The following MDN1 variants were observed in gnomAD, a reference collection of about 807,000 sequenced individuals.
MDN1 encodes midasin AAA ATPase 1.
Under a neutral mutation model 669.2 loss-of-function variants are expected in MDN1, and 266 were observed. The ratio of observed to expected loss-of-function variants is 0.40; its 90% CI spans 0.36 to 0.44. MDN1 has a LOEUF of 0.44. Among genes scored for constraint, MDN1 ranks in the 20% least tolerant of loss-of-function variants. MDN1 has a pLI of 1.00. For synonymous variants in MDN1, 2,385 were observed against 2,457.1 expected, an observed-to-expected ratio of 0.97 and a Z score of 0.87; for missense variants, 5,940 against 6,754.0, an observed-to-expected ratio of 0.88 and a Z score of 4.22.
chr6:89,796,928 C>T (rs1191530327), intron 2 of MDN1, among the ~76,000 whole-genome samples: 8 of 151,664 alleles, frequency 5.3e-5, no homozygotes, highest in African/African-American at 1.7e-4. Flanking sequence ...ATTAGCCAGG[C>T]GTGGTTATGC....
chr6:89,717,775 C>T (rs1013614481), intron 43 of MDN1, among the ~76,000 whole-genome samples: 3 of 152,094 alleles, frequency 2.0e-5, no homozygotes, highest in Admixed American at 6.6e-5. Flanking sequence ...CTGATTTCTT[C>T]GGCTATAAGG....
chr6:89,802,555 C>T (rs1050116175), intron 2 of MDN1, among the ~76,000 whole-genome samples: 1 of 151,798 alleles, frequency 6.6e-6, no homozygotes, highest in Admixed American at 6.6e-5. Context: ...TGGTGGTGTG[C>T]GCGCCTGTAG....
chr6:89,716,897 A>G (rs2128312818), intron 43 of MDN1, 88 bp from the exon 44 acceptor site: 1 of 1,364,688 alleles, frequency 7.3e-7, no homozygotes, highest in Non-Finnish European at 9.8e-7. Flanking sequence ...TGATACTTCT[A>G]GCCAAGGTTT....
In MDN1 at chr6:89,672,182, T is replaced by C; in HGVS notation, c.13794+18A>G. On this transcript the variant is annotated intron_variant, in intron 82 of 101. Coordinates refer to ENST00000369393, the MANE Select transcript of MDN1 (RefSeq NM_014611.3). ...TGCATTCTGAAGAGGAAGAAGTTTG[T>C]AAAGAACAGTTAGTTACCAGGTGCT... The C allele has an allele frequency of 6.4e-7, 1 of 1,557,948 alleles. No individual in the cohort carries two copies. The highest frequency in any genetic ancestry group is 8.6e-7 in the Non-Finnish European group (1 of 1,159,440).
intron 1 of MDN1, among the ~76,000 whole-genome samples, chr6:89,818,246 G>A (rs770208621): frequency 1.1e-4 from 16 of 149,170 alleles, no homozygotes; most frequent in Non-Finnish European, 2.2e-4. Context: ...TTGAACTCGA[G>A]AGGCGGAGGT....
chr6:89,654,201 C>T lies in MDN1; in HGVS notation c.15624G>A (p.Lys5208=). The T allele has an allele frequency of 6.2e-7, 1 of 1,614,234 alleles. No individual in the cohort carries two copies. Among genetic ancestry groups the T allele is most frequent in the Non-Finnish European group, 8.5e-7 (1 of 1,180,040 alleles). Reference sequence around the variant, plus strand: ...TGGTGCCCGACTTGATTTCCTCTGGCTTCAGCTGCTCCACGTCTGCTGCTT... The same window carrying T: ...TGGTGCCCGACTTGATTTCCTCTGGTTTCAGCTGCTCCACGTCTGCTGCTT... ...EFKAADVEQL[K]PEEIKSGTTA... is the part of the protein sequence containing the mutation. Residue 5208 remains lysine, a synonymous_variant, in exon 93 of 102, where the codon AAG becomes AAA. Coordinates refer to ENST00000369393, the MANE Select transcript of MDN1 (RefSeq NM_014611.3).
chr6:89,769,949 T>A (rs921167742), intron 15 of MDN1, among the ~76,000 whole-genome samples: 1 of 152,024 alleles, frequency 6.6e-6, no homozygotes, highest in African/African-American at 2.4e-5. Context: ...TAGAGAGAAA[T>A]AGACCAGGCC....
At chr6:89,808,133 A>T (rs1029754806) in intron 1 of MDN1, among the ~76,000 whole-genome samples, 1 of 150,914 alleles carries the variant, frequency 6.6e-6, no homozygotes, top group Non-Finnish European at 1.5e-5. Context: ...TTATATAATC[A>T]CTTTTTAAAG....
Position 89,670,921 on chromosome 6 carries a change from T to C in MDN1, c.13954A>G (p.Lys4652Glu), listed in dbSNP as rs561423279. 5.6e-6 allele frequency: 9 copies of C among 1,614,044 alleles called. No homozygotes were observed. Among genetic ancestry groups the C allele is most frequent in the East Asian group, 2.2e-5 (1 of 44,880 alleles). Residue 4652 changes from lysine (K) to glutamate (E), a missense_variant and splice_region_variant, in exon 83 of 102, where the codon AAG (lysine) becomes GAG (glutamate). Coordinates refer to ENST00000369393, the MANE Select transcript of MDN1 (RefSeq NM_014611.3). ...LAQVFTELAQ[K>E]GFCLPKEFME... The stretch of plus-strand genomic sequence containing the variant: ...TGCACCATGTGAACAGTCCTTACCT[T>C]CTGGGCAAGCTCTGTAAAGACCTGG...
chr6:89,654,482 T>G, intron 92 of MDN1, 148 bp from the exon 93 acceptor site: 1 of 988,264 alleles, frequency 1.0e-6, no homozygotes. Context: ...CTTGGAGACT[T>G]GTCTGTGCAC....
At chr6:89,776,297 A>C (rs1320106174) in intron 12 of MDN1, among the ~76,000 whole-genome samples, 2 of 152,048 alleles carry the variant, frequency 1.3e-5, no homozygotes, top group African/African-American at 4.8e-5. Flanking sequence ...CCCCATCTCT[A>C]CTAAAAATAC....
intron 96 of MDN1, 66 bp downstream of exon 96, chr6:89,650,664 TTC>T: frequency 8.0e-7 from 1 of 1,253,942 alleles, no homozygotes; most frequent in Non-Finnish European, 1.1e-6. Flanking sequence ...AGGTGCCGCG[TTC>T]AACAGAATCA....
At chr6:89,743,106 C>T in intron 31 of MDN1, 44 bp downstream of exon 31, 1 of 1,598,808 alleles carries the variant, frequency 6.3e-7, no homozygotes, top group Non-Finnish European at 8.5e-7. Flanking sequence ...AAAAATCACA[C>T]CAACAAAAAT....
At chr6:89,770,011 T>C (rs763952803) in intron 15 of MDN1, among the ~76,000 whole-genome samples, 2 of 152,104 alleles carry the variant, frequency 1.3e-5, no homozygotes, top group Non-Finnish European at 2.9e-5. Flanking sequence ...GGCAGGAGGA[T>C]TGCTTAAACC....
Position 89,686,890 on chromosome 6 carries a change from G to A in MDN1, c.11572+12C>T, listed in dbSNP as rs1178130850. On this transcript the variant is annotated intron_variant, in intron 69 of 101. Transcript: ENST00000369393. ...GCTCTAAGTGGGCAGGAAATGTACT[G>A]CTAGGCATTACCTTCCTGTTCTTCT... 2.5e-6 allele frequency: 4 copies of A among 1,613,560 alleles called. No individual in the cohort carries two copies. Among genetic ancestry groups the A allele is most frequent in the Admixed American group, 1.7e-5 (1 of 59,906 alleles).
At chr6:89,739,602 A>C (rs535498003) in intron 32 of MDN1, among the ~76,000 whole-genome samples, 74 of 152,186 alleles carry the variant, frequency 4.9e-4, no homozygotes, top group Non-Finnish European at 7.6e-4. Flanking sequence ...ACTGGGATCC[A>C]ACACATAGTG....
chr6:89,732,733 A>G lies in MDN1; in HGVS notation c.4766T>C (p.Leu1589Pro). Residue 1589 changes from leucine to proline, a missense_variant, in exon 34 of 102, where the codon CTG becomes CCG. Around this residue, in one of 5 missense-constraint regions of MDN1, gnomAD observed 2,292 missense variants for 2,638.3 expected, o/e 0.87. Transcript: ENST00000369393. ...PEVMLDFIDW[L>P]THQEFGRKCV... The stretch of plus-strand genomic sequence containing the variant: ...CTTTCTGCCAAACTCTTGGTGGGTC[A>G]GCCAGTCAATGAAATCCAGCATCAC... The G allele has an allele frequency of 1.2e-6, 2 of 1,614,096 alleles. No homozygotes were observed. The highest frequency in any genetic ancestry group is 1.7e-6 in the Non-Finnish European group (2 of 1,179,990).
At chr6:89,670,661 T>C (rs554384122) in intron 83 of MDN1, among the ~76,000 whole-genome samples, 10 of 152,100 alleles carry the variant, frequency 6.6e-5, no homozygotes, top group Non-Finnish European at 1.5e-4. Context: ...TAGACAGCGC[T>C]GGAGTTTAGG....
chr6:89,814,106 GC>G (rs1009248839), intron 1 of MDN1, among the ~76,000 whole-genome samples: 1 of 151,704 alleles, frequency 6.6e-6, no homozygotes, highest in African/African-American at 2.4e-5. Flanking sequence ...AAAATTCTAA[GC>G]CCCCCCAACC....
Sources: gnomAD v4.1 joint callset for allele counts (sites outside exome capture counted in the v4.1 genomes callset) on GRCh38, gnomAD v4.1.1 for gene constraint, gnomAD v4.1.1 regional missense constraint, MANE v1.5 for transcripts, NCBI Gene and HGNC (gene_info 2026-07-23, HGNC 2026-07-21) for gene names.